LAMA2: variants seen among roughly 807,000 people sequenced by gnomAD.
LAMA2 encodes the protein laminin subunit alpha 2, also known as laminin subunit alpha-2.
Under a neutral mutation model 364.8 loss-of-function variants are expected in LAMA2, and 269 were observed. That is an observed-to-expected ratio of 0.74 (90% confidence interval 0.67 to 0.82). The LOEUF (loss-of-function observed/expected upper bound fraction) is 0.82. Among genes scored for constraint, LAMA2 ranks in the 40% least tolerant of loss-of-function variants. LAMA2 has a pLI of 0.00. For synonymous variants in LAMA2, 1,379 were observed against 1,370.6 expected, an observed-to-expected ratio of 1.01 and a Z score of -0.14; for missense variants, 3,807 against 3,873.2, an observed-to-expected ratio of 0.98 and a Z score of 0.45.
chr6:129,302,909 A>G (rs968577147), intron 22 of LAMA2, among the ~76,000 whole-genome samples: 9 of 152,092 alleles, frequency 5.9e-5, no homozygotes, highest in African/African-American at 1.9e-4. Context: ...AACCTCATTC[A>G]TCGTTTCCAA....
At chr6:129,422,725 T>C (rs1298579439) in intron 40 of LAMA2, among the ~76,000 whole-genome samples, 3 of 152,094 alleles carry the variant, frequency 2.0e-5, no homozygotes, top group African/African-American at 7.2e-5. Flanking sequence ...CACACACAAA[T>C]TCAGTTCCAG....
intron 12 of LAMA2, among the ~76,000 whole-genome samples, chr6:129,214,972 C>T (rs1409541285): frequency 1.3e-5 from 2 of 152,088 alleles, no homozygotes; most frequent in Non-Finnish European, 2.9e-5. Flanking sequence ...TAGTTTTCCT[C>T]ATATAGATTT....
At position 129,177,848 on chromosome 6, in the gene LAMA2, T is replaced by G. The variant is rs1186694779; in HGVS notation, c.1449T>G (p.Phe483Leu). ...GLGSKNEDPC[F>L]GPCICKENVE... ...GGAGCAAAAATGAGGATCCTTGTTT[T>G]GGCCCCTGTATCTGCAAGGTACATT... Residue 483 changes from phenylalanine (F) to leucine (L), a missense_variant, in exon 10 of 65, where the codon TTT becomes TTG. Phe to Leu is a conservative substitution (Grantham distance 22). Around this residue, in one of 3 missense-constraint regions of LAMA2, gnomAD observed 3,333 missense variants for 3,345.7 expected, o/e 1.00. Transcript: ENST00000421865. The G allele has an allele frequency of 1.2e-6, 2 of 1,613,866 alleles. No individual in the cohort carries two copies. Among genetic ancestry groups the G allele is most frequent in the Non-Finnish European group, 1.7e-6 (2 of 1,179,932 alleles).
chr6:129,206,191 TTATC>T (rs1337632509), intron 12 of LAMA2, among the ~76,000 whole-genome samples: 6 of 151,668 alleles, frequency 4.0e-5, no homozygotes, highest in Non-Finnish European at 5.9e-5. Flanking sequence ...ACAAAGTAGT[TTATC>T]TATCTAATCT....
At chr6:129,158,945 A>G in intron 8 of LAMA2, 2 of 1,595,296 alleles carry the variant, frequency 1.3e-6, no homozygotes, top group East Asian at 4.5e-5. Context: ...ATAGCACTTG[A>G]AAAAAGGCAA....
chr6:128,956,411 A>G (rs1781152185), intron 1 of LAMA2, among the ~76,000 whole-genome samples: 1 of 151,930 alleles, frequency 6.6e-6, no homozygotes, highest in Non-Finnish European at 1.5e-5. Flanking sequence ...CTTCATAGTT[A>G]TTCTGTTTGT....
chr6:129,429,310 C>T (rs2114743694), intron 41 of LAMA2, among the ~76,000 whole-genome samples: 1 of 152,180 alleles, frequency 6.6e-6, no homozygotes, highest in Non-Finnish European at 1.5e-5. Context: ...TTTGGCATTC[C>T]ATCTTCTTGA....
At chr6:129,416,798 G>A (rs1036513956) in intron 40 of LAMA2, among the ~76,000 whole-genome samples, 1 of 152,116 alleles carries the variant, frequency 6.6e-6, no homozygotes, top group African/African-American at 2.4e-5. Flanking sequence ...GGTGATTCAG[G>A]GCAGAGTGGC....
chr6:129,025,414 T>C (rs922718301), intron 1 of LAMA2, among the ~76,000 whole-genome samples: 5 of 152,202 alleles, frequency 3.3e-5, no homozygotes, highest in African/African-American at 1.2e-4. Context: ...ATTCTGTTTG[T>C]GTTAAGGATT....
At chr6:128,924,678 C>G (rs1273942298) in intron 1 of LAMA2, among the ~76,000 whole-genome samples, 1 of 152,204 alleles carries the variant, frequency 6.6e-6, no homozygotes, top group Non-Finnish European at 1.5e-5. Flanking sequence ...TGCCCCCCGT[C>G]TTCCCTGCTG....
chr6:129,308,357 A>G (rs781072330), intron 22 of LAMA2, among the ~76,000 whole-genome samples: 16 of 152,212 alleles, frequency 1.1e-4, no homozygotes, highest in Admixed American at 8.5e-4. Context: ...AGGGAAACTT[A>G]CAAGAGTTCC....
At chr6:128,893,767 T>C (rs1050770500) in intron 1 of LAMA2, among the ~76,000 whole-genome samples, 1 of 151,734 alleles carries the variant, frequency 6.6e-6, no homozygotes, top group Non-Finnish European at 1.5e-5. Context: ...AATTGGGAAA[T>C]TTAAAAATGT....
chr6:129,510,707 T>G (rs1276106884), intron 62 of LAMA2, among the ~76,000 whole-genome samples: 1 of 152,048 alleles, frequency 6.6e-6, no homozygotes, highest in African/African-American at 2.4e-5. Flanking sequence ...GTTTGGGGGA[T>G]ATCAGGAAAC....
At chr6:128,933,864 C>A (rs114979097) in intron 1 of LAMA2, among the ~76,000 whole-genome samples, 307 of 152,126 alleles carry the variant, frequency 2.0e-3, no homozygotes, top group African/African-American at 6.9e-3. Flanking sequence ...ATATGGTTTG[C>A]CAATATATTA....
chr6:129,253,940 C>G (rs1456714969), intron 14 of LAMA2, among the ~76,000 whole-genome samples: 1 of 152,140 alleles, frequency 6.6e-6, no homozygotes, highest in Admixed American at 6.5e-5. Context: ...CACTGTGGTT[C>G]AATAAGTAAA....
chr6:129,372,072 T>C (rs1778119045), intron 34 of LAMA2, among the ~76,000 whole-genome samples: 1 of 152,206 alleles, frequency 6.6e-6, no homozygotes, highest in African/African-American at 2.4e-5. Flanking sequence ...AGTGTTCTCA[T>C]ATCTACTCCC....
intron 40 of LAMA2, among the ~76,000 whole-genome samples, chr6:129,416,779 C>T (rs1398843431): frequency 9.3e-6 from 1 of 107,030 alleles, no homozygotes; most frequent in Non-Finnish European, 1.9e-5. Flanking sequence ...GGATCCCACA[C>T]CTGCCAAGGG....
intron 1 of LAMA2, among the ~76,000 whole-genome samples, chr6:128,884,057 A>G (rs1241339321): frequency 6.6e-6 from 1 of 152,114 alleles, no homozygotes; most frequent in Non-Finnish European, 1.5e-5. Context: ...GTGTACTTTA[A>G]GGCCACAGTG....
At chr6:129,410,719 T>TAGAC (rs1307716732) in intron 40 of LAMA2, among the ~76,000 whole-genome samples, 1 of 30,906 alleles carries the variant, frequency 3.2e-5, no homozygotes, top group Non-Finnish European at 5.8e-5. Context: ...ACAGATTAGA[T>TAGAC]AGATAGATAG....
Sources: allele counts gnomAD v4.1 joint callset (sites outside exome capture counted in the v4.1 genomes callset), GRCh38; gene constraint gnomAD v4.1.1; regional missense constraint gnomAD v4.1.1; transcripts MANE v1.5; gene names NCBI Gene and HGNC (gene_info 2026-07-23, HGNC 2026-07-21).